Variants in COL21A1 observed in about 807,000 individuals in gnomAD.
COL21A1 encodes collagen alpha-1(XXI) chain.
A neutral mutation model predicts 137.9 loss-of-function variants in COL21A1; 149 were observed. The ratio of observed to expected loss-of-function variants is 1.08; its 90% CI spans 0.95 to 1.24. The LOEUF is 1.24. Among genes scored for constraint, COL21A1 ranks in the 50% most tolerant of loss-of-function variants. COL21A1 has a pLI of 0.00. For missense variants in COL21A1, 1,167 were observed against 1,158.4 expected, an observed-to-expected ratio of 1.01 and a Z score of -0.11; for synonymous variants, 456 against 391.5, an observed-to-expected ratio of 1.16 and a Z score of -1.95.
chr6:56,384,758 T>A (rs2094014710), intron 1 of COL21A1, among the ~76,000 whole-genome samples: 1 of 152,194 alleles, frequency 6.6e-6, no homozygotes, highest in Non-Finnish European at 1.5e-5. Flanking sequence ...CCACTTCTGC[T>A]AATAACACTT....
At chr6:56,368,531 A>G (rs1322582346) in intron 1 of COL21A1, among the ~76,000 whole-genome samples, 1 of 152,232 alleles carries the variant, frequency 6.6e-6, no homozygotes, top group African/African-American at 2.4e-5. Context: ...AACAGTGGCT[A>G]TCCAGGGCAG....
intron 9 of COL21A1, among the ~76,000 whole-genome samples, chr6:56,163,611 A>G (rs901111676): frequency 1.3e-5 from 2 of 152,032 alleles, no homozygotes; most frequent in Admixed American, 1.3e-4. Context: ...CGGGAGGCTG[A>G]GGCAGGGAAA....
At chr6:56,228,618 G>A (rs1339513304) in intron 1 of COL21A1, among the ~76,000 whole-genome samples, 1 of 151,152 alleles carries the variant, frequency 6.6e-6, no homozygotes, top group African/African-American at 2.4e-5. Context: ...AAAAAAGTAT[G>A]GACAGATGAA....
chr6:56,281,879 G>C (rs1763793524), intron 1 of COL21A1, among the ~76,000 whole-genome samples: 1 of 152,180 alleles, frequency 6.6e-6, no homozygotes, highest in Admixed American at 6.5e-5. Flanking sequence ...AAGAAGTTGT[G>C]TCATAAGAAA....
At chr6:56,334,084 A>G (rs1373174635) in intron 1 of COL21A1, among the ~76,000 whole-genome samples, 2 of 132,440 alleles carry the variant, frequency 1.5e-5, no homozygotes, top group African/African-American at 2.8e-5. Context: ...CTATAGAAAG[A>G]GGGAATAGAT....
intron 1 of COL21A1, among the ~76,000 whole-genome samples, chr6:56,313,825 AGCCAAATCAGCCTAGT>A (rs1764667740): frequency 6.6e-6 from 1 of 152,204 alleles, no homozygotes; most frequent in Non-Finnish European, 1.5e-5. Flanking sequence ...CAGATGCCCC[AGCCAAATCAGCCTAGT>A]GACCTATTAT....
chr6:56,091,479 T>C (rs1332453503), intron 17 of COL21A1: 1 of 152,584 alleles, frequency 6.6e-6, no homozygotes, highest in Non-Finnish European at 1.5e-5. Flanking sequence ...CATCCTTCAT[T>C]AAGAAATATG....
chr6:56,170,408 C>A lies in COL21A1; in HGVS notation c.1026+241G>T, dbSNP rs533996062. Among the ~76,000 whole-genome samples, 31 of 152,004 alleles carry A rather than the reference C, an allele frequency of 2.0e-4. No homozygotes were observed. The East Asian group carries it at 6.0e-3, about 29-fold the overall frequency. On this transcript the variant is annotated intron_variant, in intron 5 of 29. Transcript: ENST00000244728. Reference sequence around the variant, plus strand: ...TGGATGGCTATTATAATTAAATGTGCCTGGTACCTAGTAGTAGGCACTCAA... The same window carrying A: ...TGGATGGCTATTATAATTAAATGTGACTGGTACCTAGTAGTAGGCACTCAA...
intron 1 of COL21A1, among the ~76,000 whole-genome samples, chr6:56,198,626 C>CAAACAAAAAGTATTTTATATTAAG (rs1779187289): frequency 6.6e-6 from 1 of 151,930 alleles, no homozygotes; most frequent in Non-Finnish European, 1.5e-5. Context: ...GCATACTAAG[C>CAAACAAAAAGTATTTTATATTAAG]AAACAAAAAG....
At chr6:56,104,068 G>T (rs1770673785) in intron 16 of COL21A1, among the ~76,000 whole-genome samples, 1 of 152,130 alleles carries the variant, frequency 6.6e-6, no homozygotes, top group Non-Finnish European at 1.5e-5. Context: ...ATGCTAAGTT[G>T]TTCAGCAGGT....
intron 1 of COL21A1, among the ~76,000 whole-genome samples, chr6:56,353,602 C>A (rs1765765378): frequency 6.6e-6 from 1 of 152,186 alleles, no homozygotes; most frequent in African/African-American, 2.4e-5. Context: ...TAACACTAAG[C>A]CTGGAGTGGT....
intron 1 of COL21A1, among the ~76,000 whole-genome samples, chr6:56,303,929 T>A (rs900128383): frequency 3.3e-5 from 5 of 151,970 alleles, no homozygotes; most frequent in African/African-American, 1.2e-4. Flanking sequence ...TTATTGAGAG[T>A]TTTTAGCATG....
intron 3 of COL21A1, among the ~76,000 whole-genome samples, chr6:56,175,817 A>T (rs1230350137): frequency 6.6e-6 from 1 of 152,204 alleles, no homozygotes; most frequent in Non-Finnish European, 1.5e-5. Flanking sequence ...GACCTCAAAC[A>T]GTCAAAACAA....
intron 9 of COL21A1, 81 bp from the exon 10 acceptor site, chr6:56,157,030 C>T (rs1335557211): frequency 3.4e-6 from 3 of 891,354 alleles, no homozygotes; most frequent in East Asian, 5.6e-5. Flanking sequence ...AGTTCAAAAC[C>T]AATTCCATTA....
At chr6:56,195,630 G>A (rs1416210194) in intron 1 of COL21A1, among the ~76,000 whole-genome samples, 1 of 151,884 alleles carries the variant, frequency 6.6e-6, no homozygotes, top group African/African-American at 2.4e-5. Context: ...CTAACAAACT[G>A]CATAACATAA....
Position 56,380,172 on chromosome 6 carries a change from CCT to C in COL21A1, c.-39+13797_-39+13798del, listed in dbSNP as rs151296534. 7.0e-3 allele frequency among the ~76,000 whole-genome samples: 1,063 copies of C among 152,232 alleles called. 16 individuals carry two copies. The highest frequency in any genetic ancestry group is 0.024 in the African/African-American group (994 of 41,512). ...TTTACAAGACCCTAGCACCTCCTCC[CCT>C]CTCTCTTGCTCCCTCTCTTGCCATG... On this transcript the variant is annotated intron_variant, in intron 1 of 28. Transcript: ENST00000370819.
At chr6:56,184,785 GA>G (rs1778156534) in intron 1 of COL21A1, among the ~76,000 whole-genome samples, 1 of 152,142 alleles carries the variant, frequency 6.6e-6, no homozygotes, top group Non-Finnish European at 1.5e-5. Flanking sequence ...AAGTTTTGCG[GA>G]AATGCTTTTT....
intron 3 of COL21A1, among the ~76,000 whole-genome samples, chr6:56,174,207 T>C (rs1209485795): frequency 6.6e-6 from 1 of 151,672 alleles, no homozygotes; most frequent in African/African-American, 2.4e-5. Flanking sequence ...TAGCAATAAA[T>C]GCCTACATTA....
At chr6:56,174,003 T>C (rs1777259581) in intron 3 of COL21A1, among the ~76,000 whole-genome samples, 1 of 151,934 alleles carries the variant, frequency 6.6e-6, no homozygotes, top group Admixed American at 6.6e-5. Context: ...CCAACCACAA[T>C]GGAATAAAAC....
Sources: gnomAD v4.1 joint callset for allele counts (sites outside exome capture counted in the v4.1 genomes callset) on GRCh38, gnomAD v4.1.1 for gene constraint, MANE v1.5 for transcripts, NCBI Gene and HGNC (gene_info 2026-07-23, HGNC 2026-07-21) for gene names.